The following TMEM117 variants were observed in gnomAD, a reference collection of about 807,000 sequenced individuals.
TMEM117 encodes transmembrane protein 117.
TMEM117 carries 27 observed loss-of-function variants against 52.4 expected under a neutral mutation model. The ratio of observed to expected loss-of-function variants is 0.51; its 90% CI spans 0.38 to 0.71. TMEM117 has a LOEUF of 0.71. Ranked by LOEUF, TMEM117 falls within the 30% of genes least tolerant of loss-of-function variation. The pLI, the probability that TMEM117 is intolerant of heterozygous loss-of-function variation, is 0.00. For missense variants in TMEM117, 556 were observed against 630.5 expected (o/e 0.88, Z 1.26); for synonymous variants, 215 against 206.3 (o/e 1.04, Z -0.36).
chr12:44,206,265 G>A (rs1018565668), intron 4 of TMEM117, among the ~76,000 whole-genome samples: 5 of 152,166 alleles, frequency 3.3e-5, no homozygotes, highest in Non-Finnish European at 5.9e-5. Context: ...TCATGCTATT[G>A]TTTGTGGTTT....
chr12:44,253,614 A>C (rs1157442325), intron 5 of TMEM117, among the ~76,000 whole-genome samples: 2 of 152,142 alleles, frequency 1.3e-5, no homozygotes, highest in Non-Finnish European at 2.9e-5. Context: ...TTAACTCAGC[A>C]GGTGAGCTAG....
At chr12:44,218,391 A>G (rs1415365052) in intron 5 of TMEM117, among the ~76,000 whole-genome samples, 1 of 152,228 alleles carries the variant, frequency 6.6e-6, no homozygotes, top group African/African-American at 2.4e-5. Flanking sequence ...TAAAAACCAC[A>G]GTTATCCCAA....
At position 43,884,203 on chromosome 12, in the gene TMEM117, A is replaced by G. The variant is rs186627422; in HGVS notation, c.277+39275A>G. 1.8e-3 allele frequency among the ~76,000 whole-genome samples: 276 copies of G among 152,020 alleles called. 3 individuals carry two copies. The highest frequency in any genetic ancestry group is 0.017 in the Admixed American group (257 of 15,274). On this transcript the variant is annotated intron_variant, in intron 2 of 7. Coordinates refer to ENST00000266534, the MANE Select transcript of TMEM117 (RefSeq NM_032256.3). ...TAGTGAAAGGAGCCAAAATTTACCCATATTGACAGCAGAGAGCTGAAATGA... is the reference window on the plus strand; with the variant it reads ...TAGTGAAAGGAGCCAAAATTTACCCGTATTGACAGCAGAGAGCTGAAATGA...
At chr12:43,862,302 G>A (rs1484918182) in intron 2 of TMEM117, among the ~76,000 whole-genome samples, 2 of 152,196 alleles carry the variant, frequency 1.3e-5, no homozygotes, top group Non-Finnish European at 2.9e-5. Context: ...GGGAGTAGAT[G>A]GGACTACAGG....
chr12:44,391,848 A>AG (rs1379182566), downstream of TMEM117, among the ~76,000 whole-genome samples: 1 of 152,122 alleles, frequency 6.6e-6, no homozygotes, highest in Non-Finnish European at 1.5e-5. Context: ...AGCTACAAGT[A>AG]GGGTATTATG....
At chr12:44,057,540 G>A (rs1291648431) in intron 3 of TMEM117, among the ~76,000 whole-genome samples, 6 of 151,764 alleles carry the variant, frequency 4.0e-5, no homozygotes, top group African/African-American at 9.7e-5. Flanking sequence ...ATTTTACAGA[G>A]GTCCTGAGAG....
intron 3 of TMEM117, chr12:44,009,144 T>G: frequency 3.2e-6 from 1 of 309,144 alleles, no homozygotes; most frequent in South Asian, 2.9e-5. Flanking sequence ...CTTTACTTCC[T>G]TGGAAAAGCT....
At chr12:44,318,195 T>G (rs963027582) in intron 6 of TMEM117, 3 of 152,342 alleles carry the variant, frequency 2.0e-5, no homozygotes, top group African/African-American at 7.2e-5. Flanking sequence ...TTCAGATGCC[T>G]GGAGATATGC....
chr12:43,854,771 G>A (rs1943371348), intron 2 of TMEM117, among the ~76,000 whole-genome samples: 1 of 151,998 alleles, frequency 6.6e-6, no homozygotes, highest in Admixed American at 6.6e-5. Flanking sequence ...TGAGTAGCTG[G>A]TATTACAGGT....
intron 6 of TMEM117, among the ~76,000 whole-genome samples, chr12:44,308,670 A>G (rs1235490091): frequency 7.0e-6 from 1 of 143,800 alleles, no homozygotes; most frequent in East Asian, 2.0e-4. Flanking sequence ...CCCAGGCTGG[A>G]GTGCAGTGGC....
intron 6 of TMEM117, among the ~76,000 whole-genome samples, chr12:44,360,477 G>A (rs1951706440): frequency 1.3e-5 from 2 of 151,258 alleles, no homozygotes; most frequent in Non-Finnish European, 1.5e-5. Flanking sequence ...TGAGGCAGGA[G>A]AATTGCCTGA....
chr12:44,351,585 G>A (rs780801996), intron 6 of TMEM117, among the ~76,000 whole-genome samples: 16 of 151,954 alleles, frequency 1.1e-4, no homozygotes, highest in Admixed American at 6.6e-4. Flanking sequence ...TGGACATCCA[G>A]TTGTCCCAGC....
At chr12:43,868,428 T>C (rs979627101) in intron 2 of TMEM117, among the ~76,000 whole-genome samples, 2 of 151,984 alleles carry the variant, frequency 1.3e-5, no homozygotes, top group Admixed American at 6.6e-5. Context: ...GGCCCGTGCC[T>C]GTAGTCCCAG....
intron 3 of TMEM117, among the ~76,000 whole-genome samples, chr12:44,022,629 AG>A (rs1291732091): frequency 6.6e-6 from 1 of 152,180 alleles, no homozygotes; most frequent in African/African-American, 2.4e-5. Context: ...GATGTTGAGG[AG>A]GGGGTGATAT....
At chr12:44,398,595 C>T in the TMEM117 span, among the ~76,000 whole-genome samples, 1 of 152,126 alleles carries the variant, frequency 6.6e-6, no homozygotes, top group African/African-American at 2.4e-5. Flanking sequence ...AAAGTAACAC[C>T]TCAGTGCCCA....
At chr12:44,256,340 A>G (rs994916673) in intron 5 of TMEM117, among the ~76,000 whole-genome samples, 2 of 151,976 alleles carry the variant, frequency 1.3e-5, no homozygotes, top group Non-Finnish European at 2.9e-5. Context: ...TTATATTTAA[A>G]CTACTTACTA....
At chr12:44,036,330 C>G (rs984540746) in intron 3 of TMEM117, among the ~76,000 whole-genome samples, 2 of 152,210 alleles carry the variant, frequency 1.3e-5, no homozygotes, top group African/African-American at 4.8e-5. Flanking sequence ...TGTCCTGAAG[C>G]CTTCTATGGA....
intron 2 of TMEM117, among the ~76,000 whole-genome samples, chr12:43,848,367 C>T (rs976855404): frequency 1.3e-5 from 2 of 152,112 alleles, no homozygotes; most frequent in Non-Finnish European, 2.9e-5. Flanking sequence ...ATCTCAACTG[C>T]ACAAGACAGA....
At chr12:44,032,190 G>A (rs1946643247) in intron 3 of TMEM117, among the ~76,000 whole-genome samples, 1 of 152,176 alleles carries the variant, frequency 6.6e-6, no homozygotes, top group South Asian at 2.1e-4. Flanking sequence ...AAGAGCTTAT[G>A]TGAAAAATAA....
Sources: gnomAD v4.1 joint callset for allele counts (sites outside exome capture counted in the v4.1 genomes callset) on GRCh38, gnomAD v4.1.1 for gene constraint, MANE v1.5 for transcripts, NCBI Gene and HGNC (gene_info 2026-07-23, HGNC 2026-07-21) for gene names.